KIF6: variants seen among roughly 807,000 people sequenced by gnomAD.
The protein encoded by KIF6 is kinesin-like protein KIF6.
In KIF6, 106 loss-of-function variants were observed where a neutral mutation model predicts 112.7. The observed-to-expected ratio is 0.94, with a 90% confidence interval of 0.80 to 1.11. KIF6 has a LOEUF of 1.11. KIF6 is among the 50% of genes least tolerant of loss of function. The pLI, the probability that KIF6 is intolerant of heterozygous loss-of-function variation, is 0.00. For synonymous variants in KIF6, 339 were observed against 339.9 expected (o/e 1.00, Z 0.03); for missense variants, 929 against 964.0 (o/e 0.96, Z 0.48).
At chr6:39,589,307 T>C (rs1781805281) in intron 7 of KIF6, among the ~76,000 whole-genome samples, 1 of 152,236 alleles carries the variant, frequency 6.6e-6, no homozygotes, top group South Asian at 2.1e-4. Context: ...TCCAGCCTGT[T>C]AATCTTTTTT....
chr6:39,446,596 C>A (rs1198828893), intron 13 of KIF6, among the ~76,000 whole-genome samples: 1 of 152,148 alleles, frequency 6.6e-6, no homozygotes, highest in Non-Finnish European at 1.5e-5. Flanking sequence ...CAGGTTCAAG[C>A]AATTCTCCTG....
intron 13 of KIF6, among the ~76,000 whole-genome samples, chr6:39,488,018 C>CTATCTATCTAATT (rs1433655798): frequency 5.2e-5 from 2 of 38,518 alleles, no homozygotes; most frequent in Non-Finnish European, 9.7e-5. Flanking sequence ...TCTATCTAAT[C>CTATCTATCTAATT]ATCCATCCAC....
chr6:39,534,483 G>A (rs1270551693), intron 13 of KIF6, among the ~76,000 whole-genome samples: 2 of 152,154 alleles, frequency 1.3e-5, no homozygotes, highest in Non-Finnish European at 2.9e-5. Flanking sequence ...TGAAATGAAT[G>A]AAATGAAGCA....
intron 18 of KIF6, among the ~76,000 whole-genome samples, chr6:39,357,576 G>A (rs1352764201): frequency 6.6e-6 from 1 of 151,776 alleles, no homozygotes; most frequent in African/African-American, 2.4e-5. Context: ...AGCCTCCCGA[G>A]TAGCTGGGAT....
intron 16 of KIF6, among the ~76,000 whole-genome samples, chr6:39,365,738 C>T (rs568290940): frequency 1.3e-5 from 2 of 152,218 alleles, no homozygotes; most frequent in East Asian, 3.8e-4. Context: ...CCCAAGGACA[C>T]CCCCAAGAAA....
chr6:39,724,269 G>T (rs303654), intron 1 of KIF6, among the ~76,000 whole-genome samples: 1 of 152,126 alleles, frequency 6.6e-6, no homozygotes, highest in Admixed American at 6.5e-5. Context: ...CTAGCTAACA[G>T]GGTGAAACCC....
At chr6:39,588,081 T>C (rs1386403541) in intron 7 of KIF6, among the ~76,000 whole-genome samples, 1 of 152,252 alleles carries the variant, frequency 6.6e-6, no homozygotes, top group Non-Finnish European at 1.5e-5. Context: ...AGTTAATGAA[T>C]GTTTCTTTTT....
At chr6:39,439,743 G>A (rs1193506867) in intron 13 of KIF6, among the ~76,000 whole-genome samples, 2 of 151,860 alleles carry the variant, frequency 1.3e-5, no homozygotes, top group Non-Finnish European at 2.9e-5. Flanking sequence ...TTTTGCTAAC[G>A]AATACAACTT....
rs113382139 is a variant in KIF6, at chr6:39,488,744, C to T, written c.1645+51259G>A. On this transcript the variant is annotated intron_variant, in intron 13 of 22. Transcript: ENST00000287152. ...AGAGAGAGACACTGTCCTGACCAGC[C>T]ATTCACCAACTAAACATTAGAATTT... Among the ~76,000 whole-genome samples, 430 of 152,320 alleles carry T rather than the reference C, an allele frequency of 2.8e-3. 4 individuals carry two copies. The highest frequency in any genetic ancestry group is 9.8e-3 in the African/African-American group (406 of 41,572).
At chr6:39,548,735 C>T (rs1779197560) in intron 10 of KIF6, among the ~76,000 whole-genome samples, 1 of 152,200 alleles carries the variant, frequency 6.6e-6, no homozygotes, top group South Asian at 2.1e-4. Flanking sequence ...TACCTAGTCC[C>T]TGCTCCCTCT....
chr6:39,568,608 T>TGGC (rs1477460986), intron 10 of KIF6, among the ~76,000 whole-genome samples: 1 of 152,004 alleles, frequency 6.6e-6, no homozygotes, highest in East Asian at 1.9e-4. Flanking sequence ...TGGAGCACAG[T>TGGC]GGCGCAACCT....
intron 3 of KIF6, among the ~76,000 whole-genome samples, chr6:39,642,965 G>A (rs981327324): frequency 1.3e-5 from 2 of 152,092 alleles, no homozygotes; most frequent in African/African-American, 2.4e-5. Context: ...GGAGATGGAG[G>A]AGTTCAAGGA....
intron 10 of KIF6, among the ~76,000 whole-genome samples, chr6:39,575,425 C>T (rs1582172556): frequency 6.6e-6 from 1 of 152,196 alleles, no homozygotes; most frequent in African/African-American, 2.4e-5. Flanking sequence ...CGCCCGCCAC[C>T]ACACCCGGCT....
chr6:39,466,568 T>C (rs942001598), intron 13 of KIF6, among the ~76,000 whole-genome samples: 37 of 152,184 alleles, frequency 2.4e-4, no homozygotes, highest in African/African-American at 8.7e-4. Flanking sequence ...ATTTGAGCCA[T>C]GACTTGCTCC....
At chr6:39,700,717 ATT>A (rs34353421) in intron 3 of KIF6, among the ~76,000 whole-genome samples, 131 of 144,564 alleles carry the variant, frequency 9.1e-4, no homozygotes, top group African/African-American at 1.2e-3. Context: ...CATAATTTTA[ATT>A]TTTTTTTTTT....
chr6:39,608,162 T>C (rs971381405), intron 6 of KIF6, among the ~76,000 whole-genome samples: 1 of 152,208 alleles, frequency 6.6e-6, no homozygotes, highest in Non-Finnish European at 1.5e-5. Context: ...TTTGCTAATG[T>C]GCAAAGCCTG....
At chr6:39,340,245 T>C (rs948537044) in intron 22 of KIF6, among the ~76,000 whole-genome samples, 2 of 152,216 alleles carry the variant, frequency 1.3e-5, no homozygotes, top group Admixed American at 1.3e-4. Context: ...GAATAAAAAT[T>C]GAGCTGTGGA....
intron 13 of KIF6, among the ~76,000 whole-genome samples, chr6:39,502,106 C>T: frequency 6.6e-6 from 1 of 152,024 alleles, no homozygotes; most frequent in Admixed American, 6.6e-5. Flanking sequence ...AGGTCACCTA[C>T]AAAGGGAAGC....
At position 39,533,955 on chromosome 6, in the gene KIF6, C is replaced by A. The variant is rs999174872; in HGVS notation, c.1645+6048G>T. 5.9e-5 allele frequency among the ~76,000 whole-genome samples: 9 copies of A among 152,352 alleles called. No individual in the cohort carries two copies. The South Asian group carries it at 1.9e-3, about 32-fold the overall frequency. ...CTACTGATACCCAGGCAGATAGGGT[C>A]TGGAGTGGACCTCTAGCAAACTCCA... On this transcript the variant is annotated intron_variant, in intron 13 of 22. Transcript: ENST00000287152.
Sources: allele counts gnomAD v4.1 joint callset (sites outside exome capture counted in the v4.1 genomes callset), GRCh38; gene constraint gnomAD v4.1.1; transcripts MANE v1.5; gene names NCBI Gene and HGNC (gene_info 2026-07-23, HGNC 2026-07-21).